SBF2: variants seen among roughly 807,000 people sequenced by gnomAD.
The protein encoded by SBF2 is myotubularin-related protein 13.
SBF2 carries 112 observed loss-of-function variants against 225.2 expected under a neutral mutation model. That is an observed-to-expected ratio of 0.50 (90% CI 0.43 to 0.58). The LOEUF is 0.58. SBF2 is among the 20% of genes least tolerant of loss of function. SBF2 has a pLI of 0.00. For synonymous variants in SBF2, 763 were observed against 773.3 expected (o/e 0.99, Z 0.22); for missense variants, 1,996 against 2,206.2 (o/e 0.90, Z 1.91).
rs764364310 is a variant in SBF2, at chr11:9,853,697, T to G, written c.2379A>C (p.Val793=). ...CACTCTCTGTATCATAGCTCTCAGCTACACTTCCTGCAATACTAAGACAGT... is the reference window on the plus strand; with the variant it reads ...CACTCTCTGTATCATAGCTCTCAGCGACACTTCCTGCAATACTAAGACAGT... ...SIVTNSIAGS[V]AESYDTESGF... is the part of the protein sequence containing the mutation. The change falls in exon 20 of 40, where the codon GTA becomes GTC. Residue 793 remains valine, a synonymous_variant. Coordinates refer to ENST00000256190, the MANE Select transcript of SBF2 (RefSeq NM_030962.4). The G allele has an allele frequency of 1.9e-6, 3 of 1,614,000 alleles. No individual in the cohort carries two copies. The South Asian group carries it at 3.3e-5, about 18-fold the overall frequency.
intron 2 of SBF2, among the ~76,000 whole-genome samples, chr11:10,173,322 G>A (rs1225375680): frequency 1.3e-5 from 2 of 152,196 alleles, no homozygotes; most frequent in Non-Finnish European, 2.9e-5. Flanking sequence ...GCAAGCCGAA[G>A]CAGGGCAAGG....
rs1564893229 is a variant in SBF2, at chr11:9,832,302, TACC to T, written c.3571_3573del (p.Gly1191del). On this transcript the variant is annotated inframe_deletion, in exon 27 of 40. Transcript: ENST00000256190. ...AATCCTCCAGATCGGAGGAGCAGAG[TACC>T]ACTTCTTGAGTTCTTCCAACATACA... The T allele has an allele frequency of 6.2e-7, 1 of 1,614,068 alleles. No homozygotes were observed. The highest frequency in any genetic ancestry group is 8.5e-7 in the Non-Finnish European group (1 of 1,180,010).
chr11:9,849,951 CTG>C, intron 22 of SBF2, 70 bp downstream of exon 22: 1 of 1,380,016 alleles, frequency 7.2e-7, no homozygotes, highest in Admixed American at 1.7e-5. Context: ...CTGCAAATCA[CTG>C]TGCACAGATG....
intron 30 of SBF2, 136 bp downstream of exon 30, chr11:9,812,396 T>C: frequency 1.1e-6 from 1 of 919,514 alleles, no homozygotes; most frequent in Non-Finnish European, 1.7e-6. Flanking sequence ...AGGCCTTTAC[T>C]GATGGCACAC....
intron 17 of SBF2, among the ~76,000 whole-genome samples, chr11:9,865,462 C>G (rs1590260399): frequency 6.6e-6 from 1 of 151,610 alleles, no homozygotes; most frequent in South Asian, 2.1e-4. Flanking sequence ...GGCTGAGGCA[C>G]GTGGATCACC....
intron 1 of SBF2, among the ~76,000 whole-genome samples, chr11:10,299,236 G>A (rs933585578): frequency 1.3e-5 from 2 of 151,370 alleles, no homozygotes; most frequent in African/African-American, 4.9e-5. Context: ...TACTCAGGAG[G>A]CTGAGGCAAA....
chr11:10,048,897 C>T (rs1017473763), intron 2 of SBF2, among the ~76,000 whole-genome samples: 2 of 152,112 alleles, frequency 1.3e-5, no homozygotes, highest in South Asian at 4.1e-4. Context: ...TTTAATGTAA[C>T]CATAAGAAAA....
intron 26 of SBF2, among the ~76,000 whole-genome samples, chr11:9,837,290 C>A (rs906901687): frequency 2.0e-5 from 3 of 152,150 alleles, no homozygotes; most frequent in Admixed American, 1.3e-4. Flanking sequence ...GCCTTCAGGG[C>A]GCTACTCATG....
At chr11:10,273,024 C>T (rs2920149) in intron 1 of SBF2, among the ~76,000 whole-genome samples, 19,377 of 149,358 alleles carry the variant, frequency 0.13, 1,395 homozygotes, top group African/African-American at 0.16. Context: ...GAGCCAAGAT[C>T]GCGCCACTGC....
At chr11:10,186,951 A>C (rs188224049) in intron 2 of SBF2, among the ~76,000 whole-genome samples, 247 of 152,314 alleles carry the variant, frequency 1.6e-3, no homozygotes, top group African/African-American at 5.7e-3. Context: ...TAAGGGAAAC[A>C]ATCTTTGGAT....
At chr11:9,823,382 C>T (rs984801203) in intron 28 of SBF2, among the ~76,000 whole-genome samples, 1 of 149,960 alleles carries the variant, frequency 6.7e-6, no homozygotes, top group Non-Finnish European at 1.5e-5. Flanking sequence ...GAGAGACACA[C>T]AGTGGAAATA....
intron 2 of SBF2, among the ~76,000 whole-genome samples, chr11:10,094,034 A>C (rs1951899004): frequency 6.6e-6 from 1 of 151,066 alleles, no homozygotes; most frequent in African/African-American, 2.4e-5. Flanking sequence ...AGTTCCTATA[A>C]ATATATTAAC....
At chr11:9,828,929 G>T (rs1302189980) in intron 28 of SBF2, among the ~76,000 whole-genome samples, 1 of 148,300 alleles carries the variant, frequency 6.7e-6, no homozygotes, top group Non-Finnish European at 1.5e-5. Context: ...GATAAATATG[G>T]GAATAAAGGG....
intron 2 of SBF2, among the ~76,000 whole-genome samples, chr11:10,175,897 G>A (rs372197883): frequency 6.6e-6 from 1 of 151,384 alleles, no homozygotes; most frequent in Non-Finnish European, 1.5e-5. Flanking sequence ...CTGAACAACC[G>A]GCTCCTGAAT....
In SBF2 at chr11:9,959,978, AT is replaced by A; in HGVS notation, c.1860+1978del. 1.0e-5 allele frequency: 3 copies of A among 300,918 alleles called. No individual in the cohort carries two copies. In the East Asian group the frequency reaches 2.5e-4, roughly 25 times the overall value. 18.6% of individuals were successfully genotyped at this position (300,918 alleles called of 1,614,324 possible). A position where few individuals can be genotyped will look rare whatever the true frequency, so the allele number is the denominator to read the frequency against. ...AGGTTGTCTTTTTGAAAAAATACTG[AT>A]TTGTAGGGTTTTTTCTTTTTTAAAG... On this transcript the variant is annotated intron_variant, in intron 16 of 39. Coordinates refer to ENST00000256190, the MANE Select transcript of SBF2 (RefSeq NM_030962.4).
At chr11:9,903,238 C>T (rs953131593) in intron 16 of SBF2, among the ~76,000 whole-genome samples, 12 of 151,920 alleles carry the variant, frequency 7.9e-5, no homozygotes, top group South Asian at 4.2e-4. Flanking sequence ...AGGAGAAGGG[C>T]GTGAACCCGG....
intron 2 of SBF2, among the ~76,000 whole-genome samples, chr11:10,044,320 G>A (rs574632594): frequency 2.0e-5 from 3 of 151,648 alleles, no homozygotes; most frequent in Non-Finnish European, 4.4e-5. Flanking sequence ...TGTTCTGGGC[G>A]GGAGACCCGC....
At chr11:9,829,278 A>G in intron 28 of SBF2, 78 bp downstream of exon 28, 1 of 1,480,294 alleles carries the variant, frequency 6.8e-7, no homozygotes, top group African/African-American at 1.4e-5. Context: ...AATAACAAAT[A>G]ACAGTACAAA....
At position 9,785,216 on chromosome 11, in the gene SBF2, C is replaced by T. The variant is rs1266114297; in HGVS notation, c.5140G>A (p.Glu1714Lys). 1 of 1,613,964 alleles carries T rather than the reference C, an allele frequency of 6.2e-7. No homozygotes were observed. Among genetic ancestry groups the T allele is most frequent in the Admixed American group, 1.7e-5 (1 of 59,996 alleles). Residue 1714 changes from glutamate to lysine, a missense_variant, in exon 37 of 40, where the codon GAA (glutamate) becomes AAA (lysine). By Grantham distance (56) the Glu-to-Lys change is moderately conservative (BLOSUM62 1). Transcript: ENST00000256190. ...LHLPDSSMGE[E>K]QNSSISPSNG... is the part of the protein sequence containing the mutation. Reference sequence around the variant, plus strand: ...GATGGGGAGATGCTGGAATTCTGTTCCTCCCCCATGCTGCTGTCTGGGAGA... The same window carrying T: ...GATGGGGAGATGCTGGAATTCTGTTTCTCCCCCATGCTGCTGTCTGGGAGA...
Sources: gnomAD v4.1 joint callset for allele counts (sites outside exome capture counted in the v4.1 genomes callset) on GRCh38, gnomAD v4.1.1 for gene constraint, MANE v1.5 for transcripts, NCBI Gene and HGNC (gene_info 2026-07-23, HGNC 2026-07-21) for gene names.